LGALS3: variants seen among roughly 807,000 people sequenced by gnomAD.
LGALS3 encodes the protein galectin 3.
In LGALS3, 18 loss-of-function variants were observed where a neutral mutation model predicts 20.7. The ratio of observed to expected loss-of-function variants is 0.87; its 90% CI spans 0.60 to 1.29. LGALS3 has a LOEUF of 1.29. Ranked by LOEUF, LGALS3 falls within the 50% of genes most tolerant of loss-of-function variation. The probability of loss-of-function intolerance (pLI) is 0.00; values close to 1 mark genes in which losing one functional copy is unlikely to be tolerated. For missense variants in LGALS3, 315 were observed against 314.7 expected (o/e 1.00, Z -0.01); for synonymous variants, 112 against 119.6 (o/e 0.94, Z 0.42).
At chr14:55,137,543 C>T in intron 2 of LGALS3, 152 bp downstream of exon 2, 1 of 1,562,766 alleles carries the variant, frequency 6.4e-7, no homozygotes, top group Non-Finnish European at 8.6e-7. Flanking sequence ...AAGCTGGAGC[C>T]TTGTTTTTCC....
At chr14:55,144,954 A>G (rs532823111) in intron 5 of LGALS3, among the ~76,000 whole-genome samples, 162 bp from the exon 6 acceptor site, 1 of 152,260 alleles carries the variant, frequency 6.6e-6, no homozygotes, top group Non-Finnish European at 1.5e-5. Flanking sequence ...TCCTGGGCTC[A>G]GGCCAGACTG....
At chr14:55,137,582 A>G in intron 2 of LGALS3, 191 bp downstream of exon 2, 1 of 1,497,140 alleles carries the variant, frequency 6.7e-7, no homozygotes, top group South Asian at 1.3e-5. Flanking sequence ...AAAGCCAGGC[A>G]GAGCGAGGCC....
At chr14:55,134,309 C>T (rs181752111) in intron 1 of LGALS3, among the ~76,000 whole-genome samples, 2 of 152,320 alleles carry the variant, frequency 1.3e-5, no homozygotes, top group Non-Finnish European at 2.9e-5. Context: ...GTGCACAGGA[C>T]AGCGCCCCAC....
At chr14:55,130,145 G>A (rs1377540197) in intron 1 of LGALS3, among the ~76,000 whole-genome samples, 1 of 152,214 alleles carries the variant, frequency 6.6e-6, no homozygotes, top group Non-Finnish European at 1.5e-5. Flanking sequence ...TGGTCCTAGC[G>A]TGCAGAGCCC....
At chr14:55,142,465 A>G (rs911272567) in intron 4 of LGALS3, 119 bp from the exon 5 acceptor site, 1 of 690,046 alleles carries the variant, frequency 1.4e-6, no homozygotes, top group Non-Finnish European at 2.3e-6. Context: ...TTCCATTCAG[A>G]AAAATTTCCT....
At chr14:55,137,288 A>G (rs2140292205) in intron 1 of LGALS3, 82 bp from the exon 2 acceptor site, 1 of 1,287,866 alleles carries the variant, frequency 7.8e-7, no homozygotes, top group South Asian at 1.2e-5. Context: ...TTAGAACTGC[A>G]CAATGAACTA....
intron 4 of LGALS3, 52 bp from the exon 5 acceptor site, chr14:55,142,532 T>C: frequency 6.8e-7 from 1 of 1,466,254 alleles, no homozygotes; most frequent in Non-Finnish European, 9.5e-7. Context: ...CTTTACACAG[T>C]GCAAATGTAC....
intron 1 of LGALS3, among the ~76,000 whole-genome samples, chr14:55,134,674 G>A (rs1881328777): frequency 6.6e-6 from 1 of 152,186 alleles, no homozygotes. Flanking sequence ...GGAGGCACAT[G>A]CAGAGGAGCT....
rs1235385717 is a variant in LGALS3 at position 55,138,357 on chromosome 14, G to C, written c.331G>C (p.Ala111Pro). The C allele has an allele frequency of 1.2e-6, 2 of 1,612,924 alleles. No homozygotes were observed. The highest frequency in any genetic ancestry group is 1.3e-5 in the African/African-American group (1 of 75,066). The change falls in exon 3 of 6, where the codon GCT (alanine) becomes CCT (proline). Residue 111 changes from alanine to proline, a missense_variant. Ala to Pro is a conservative substitution (Grantham distance 27). Transcript: ENST00000254301. ...TGCCACTGGCCCCTATGGCGCCCCTGCTGGGCCACTGGTGAGATGGCATTC... is the reference window on the plus strand; with the variant it reads ...TGCCACTGGCCCCTATGGCGCCCCTCCTGGGCCACTGGTGAGATGGCATTC... ...YPATGPYGAP[A>P]GPLIVPYNLP...
Position 55,140,303 on chromosome 14 carries a change from G to A in LGALS3, c.371G>A (p.Gly124Glu). ...GTGCCTTATAACCTGCCTTTGCCTG[G>A]GGGAGTGGTGCCTCGCATGCTGATA... ...LIVPYNLPLP[G>E]GVVPRMLITI... The change falls in exon 4 of 6, where the codon GGG becomes GAG. Residue 124 changes from glycine (G) to glutamate (E), a missense_variant. Transcript: ENST00000254301. 1 of 1,613,626 alleles carries A rather than the reference G, an allele frequency of 6.2e-7. No homozygotes were observed.
intron 1 of LGALS3, among the ~76,000 whole-genome samples, chr14:55,133,383 T>A (rs143441173): frequency 3.5e-4 from 53 of 152,274 alleles, no homozygotes; most frequent in African/African-American, 1.2e-3. Flanking sequence ...TGTGGATGCT[T>A]CAAACCATGG....
At chr14:55,137,140 GC>G (rs1466245412) in intron 1 of LGALS3, 1 of 604,346 alleles carries the variant, frequency 1.7e-6, no homozygotes, top group Non-Finnish European at 3.0e-6. Context: ...AAGATTCAGA[GC>G]ACAGGCTAGT....
At chr14:55,134,725 A>G (rs1254587412) in intron 1 of LGALS3, among the ~76,000 whole-genome samples, 1 of 152,222 alleles carries the variant, frequency 6.6e-6, no homozygotes, top group African/African-American at 2.4e-5. Flanking sequence ...ACAGGATGTA[A>G]CGTAAATGAA....
In LGALS3 at chr14:55,138,131, C is replaced by G. The variant is rs1382193604; in HGVS notation, c.105C>G (p.Gly35=). 3 of 1,566,960 alleles carry G rather than the reference C, an allele frequency of 1.9e-6. No individual in the cohort carries two copies. Among genetic ancestry groups the G allele is most frequent in the African/African-American group, 1.4e-5 (1 of 72,780 alleles). ...AWGNQPAGAG[G]YPGASYPGAY... ...GGAACCAGCCTGCTGGGGCAGGGGG[C>G]TACCCAGGGGCTTCCTATCCTGGGG... Residue 35 remains glycine, a synonymous_variant, in exon 3 of 6, where the codon GGC becomes GGG. Transcript: ENST00000254301.
chr14:55,144,380 A>G (rs938063808), intron 5 of LGALS3, among the ~76,000 whole-genome samples: 1 of 152,204 alleles, frequency 6.6e-6, no homozygotes, highest in African/African-American at 2.4e-5. Flanking sequence ...TCCTGGGCTC[A>G]AGATCCGCCC....
At chr14:55,141,131 C>T (rs1183002986) in intron 4 of LGALS3, among the ~76,000 whole-genome samples, 1 of 152,190 alleles carries the variant, frequency 6.6e-6, no homozygotes, top group Non-Finnish European at 1.5e-5. Flanking sequence ...GCTCCACATC[C>T]TGCAATCAAG....
intron 5 of LGALS3, chr14:55,143,553 C>G: frequency 3.9e-6 from 1 of 259,632 alleles, no homozygotes; most frequent in Non-Finnish European, 7.8e-6. Context: ...TCCCAAGTAG[C>G]TGGGATTATA....
At position 55,138,053 on chromosome 14, in the gene LGALS3, T is replaced by C. The variant is rs1424630535; in HGVS notation, c.27T>C (p.Asp9=). The stretch of plus-strand genomic sequence containing the variant: ...TATGTCTTTCTTTCCAGCTCCATGA[T>C]GCGTTATCTGGGTCTGGAAACCCAA... MADNFSLH[D]ALSGSGNPNP... is the part of the protein sequence containing the mutation. Residue 9 remains aspartate (D), a synonymous_variant, in exon 3 of 6, where the codon GAT becomes GAC. Coordinates refer to ENST00000254301, the MANE Select transcript of LGALS3 (RefSeq NM_002306.4). 4 of 1,500,094 alleles carry C rather than the reference T, an allele frequency of 2.7e-6. No individual in the cohort carries two copies. The highest frequency in any genetic ancestry group is 3.6e-6 in the Non-Finnish European group (4 of 1,125,338). 92.9% of individuals were successfully genotyped at this position (1,500,094 alleles called of 1,614,324 possible).
intron 5 of LGALS3, 139 bp downstream of exon 5, chr14:55,142,888 G>A: frequency 3.2e-6 from 2 of 622,964 alleles, no homozygotes; most frequent in Non-Finnish European, 5.4e-6. Context: ...CCTGCCCAGG[G>A]GACCAGGCTC....
Sources: gnomAD v4.1 joint callset for allele counts (sites outside exome capture counted in the v4.1 genomes callset) on GRCh38, gnomAD v4.1.1 for gene constraint, MANE v1.5 for transcripts, NCBI Gene and HGNC (gene_info 2026-07-23, HGNC 2026-07-21) for gene names.